RGS7: variants seen among roughly 807,000 people sequenced by gnomAD.
The protein encoded by RGS7 is regulator of G-protein signaling 7.
RGS7 carries 27 observed loss-of-function variants against 81.1 expected under a neutral mutation model. That is an observed-to-expected ratio of 0.33 (90% CI 0.25 to 0.46). The LOEUF is 0.46. Ranked by LOEUF, RGS7 falls within the 20% of genes least tolerant of loss-of-function variation. The probability of loss-of-function intolerance (pLI) is 1.00; values close to 1 mark genes in which losing one functional copy is unlikely to be tolerated. For synonymous variants in RGS7, 208 were observed against 207.7 expected, an observed-to-expected ratio of 1.00 and a Z score of -0.01; for missense variants, 396 against 607.4, an observed-to-expected ratio of 0.65 and a Z score of 3.66.
At chr1:241,084,897 T>C (rs1230723596) in intron 3 of RGS7, among the ~76,000 whole-genome samples, 1 of 152,242 alleles carries the variant, frequency 6.6e-6, no homozygotes, top group East Asian at 1.9e-4. Context: ...TGATCTGGAG[T>C]GAATACCTGC....
chr1:241,164,230 G>A lies in RGS7; in HGVS notation c.79-65468C>T, dbSNP rs2069980292. Among the ~76,000 whole-genome samples the A allele has an allele frequency of 6.6e-6, 1 of 151,398 alleles. No individual in the cohort carries two copies. Among genetic ancestry groups the A allele is most frequent in the Non-Finnish European group, 1.5e-5 (1 of 67,946 alleles). ...TGAATGGCTCCACCCTCCAGGAACT[G>A]CCACATGTTCAGCTATCCAGAAGCT... On this transcript the variant is annotated intron_variant, in intron 2 of 18. Transcript: ENST00000440928. This position sits in a 1 kb window ranked among gnomAD's most constrained non-coding sequence, Gnocchi z 4.1.
chr1:240,848,755 GA>G (rs1659559634), intron 9 of RGS7, among the ~76,000 whole-genome samples: 1 of 151,676 alleles, frequency 6.6e-6, no homozygotes, highest in African/African-American at 2.4e-5. Flanking sequence ...CTCAGCTTCA[GA>G]AAAAAACTCA....
rs942809644 is a variant in RGS7 at position 241,163,422 on chromosome 1, G to T, written c.79-64660C>A. Among the ~76,000 whole-genome samples, 2 of 152,204 alleles carry T rather than the reference G, an allele frequency of 1.3e-5. No homozygotes were observed. The highest frequency in any genetic ancestry group is 2.9e-5 in the Non-Finnish European group (2 of 68,038). On this transcript the variant is annotated intron_variant, in intron 2 of 18. Coordinates refer to ENST00000440928, the MANE Select transcript of RGS7 (RefSeq NM_001364886.1). This position sits in a 1 kb window ranked among gnomAD's most constrained non-coding sequence, Gnocchi z 4.6. ...AAGTAGCCATGCAAAGCTGTCTTTT[G>T]TCGGGGAGATACACATCTGCAGAGA... is the stretch of plus-strand genomic sequence containing the variant.
Position 241,246,438 on chromosome 1 carries a change from C to T in RGS7, c.78+109261G>A, listed in dbSNP as rs527969269. 1.3e-4 allele frequency among the ~76,000 whole-genome samples: 20 copies of T among 152,162 alleles called. No homozygotes were observed. In the South Asian group the frequency reaches 4.1e-3, roughly 32 times the overall value. On this transcript the variant is annotated intron_variant, in intron 2 of 18. Transcript: ENST00000440928. ...GTCCCTGCGGGTAGAAGGTAAAATTCCTTCCAAAGGAAGTAGATATTTTTA... is the reference window on the plus strand; with the variant it reads ...GTCCCTGCGGGTAGAAGGTAAAATTTCTTCCAAAGGAAGTAGATATTTTTA...
At chr1:241,267,693 C>CA (rs2077665592) in intron 2 of RGS7, among the ~76,000 whole-genome samples, 1 of 152,130 alleles carries the variant, frequency 6.6e-6, no homozygotes, top group Admixed American at 6.6e-5. Context: ...TTTTACTCTC[C>CA]AGGCAATTTC....
chr1:240,795,133 G>A (rs1267610676), intron 18 of RGS7, among the ~76,000 whole-genome samples: 1 of 151,416 alleles, frequency 6.6e-6, no homozygotes, highest in Non-Finnish European at 1.5e-5. Flanking sequence ...GCAGTGAGCC[G>A]AGATCACACC....
At chr1:241,335,899 G>A (rs1294372724) in intron 2 of RGS7, among the ~76,000 whole-genome samples, 1 of 152,026 alleles carries the variant, frequency 6.6e-6, no homozygotes, top group African/African-American at 2.4e-5. Context: ...TGGCTCTAGT[G>A]CACCACTACT....
At chr1:240,944,282 G>GTGTGTGTA (rs1352421845) in intron 4 of RGS7, among the ~76,000 whole-genome samples, 14 of 55,804 alleles carry the variant, frequency 2.5e-4, no homozygotes, top group African/African-American at 5.1e-4. Flanking sequence ...GTGTGTGTGT[G>GTGTGTGTA]TATATATATA....
intron 9 of RGS7, among the ~76,000 whole-genome samples, chr1:240,857,365 G>C (rs1661332878): frequency 6.6e-6 from 1 of 152,028 alleles, no homozygotes; most frequent in South Asian, 2.1e-4. Context: ...TGTTTCAGTT[G>C]TTGAGCCAAT....
chr1:241,313,038 C>T (rs2148565830), intron 2 of RGS7, among the ~76,000 whole-genome samples: 1 of 152,294 alleles, frequency 6.6e-6, no homozygotes, highest in African/African-American at 2.4e-5. Context: ...AGAACAAGGC[C>T]CTAACTCTCT....
chr1:241,225,986 G>A (rs894667362), intron 2 of RGS7, among the ~76,000 whole-genome samples: 6 of 152,176 alleles, frequency 3.9e-5, no homozygotes, highest in African/African-American at 1.4e-4. Context: ...AACACCACTT[G>A]AAACTTGGGC....
chr1:241,055,873 C>A (rs1323524796), intron 3 of RGS7, among the ~76,000 whole-genome samples: 1 of 152,204 alleles, frequency 6.6e-6, no homozygotes, highest in Non-Finnish European at 1.5e-5. Context: ...CAAAAAGACA[C>A]TTGTCACTTT....
At chr1:241,112,513 C>T (rs918833537) in intron 2 of RGS7, among the ~76,000 whole-genome samples, 61 of 152,180 alleles carry the variant, frequency 4.0e-4, no homozygotes, top group Non-Finnish European at 1.3e-4. Flanking sequence ...CATCCTCATG[C>T]CAATGAAGAA....
intron 3 of RGS7, among the ~76,000 whole-genome samples, chr1:241,055,546 C>T (rs1416401649): frequency 6.6e-6 from 1 of 152,142 alleles, no homozygotes; most frequent in East Asian, 1.9e-4. Context: ...AAGGATATTA[C>T]AAAGGATACA....
intron 4 of RGS7, among the ~76,000 whole-genome samples, chr1:240,953,304 C>T (rs1020672115): frequency 4.0e-5 from 6 of 151,780 alleles, no homozygotes; most frequent in Admixed American, 6.6e-5. Context: ...TATTCTAAAG[C>T]ATACATGAAA....
intron 2 of RGS7, among the ~76,000 whole-genome samples, chr1:241,234,415 A>G (rs1262201294): frequency 6.6e-6 from 1 of 152,226 alleles, no homozygotes; most frequent in Non-Finnish European, 1.5e-5. Context: ...AGAGAAGCTC[A>G]TCGGGCAGCT....
chr1:241,298,053 T>G (rs2079529024), intron 2 of RGS7, among the ~76,000 whole-genome samples: 1 of 152,074 alleles, frequency 6.6e-6, no homozygotes, highest in African/African-American at 2.4e-5. Flanking sequence ...ACCACCAAAA[T>G]CATTTATTAA....
chr1:241,103,850 C>T (rs1006058), intron 2 of RGS7, among the ~76,000 whole-genome samples: 3 of 151,974 alleles, frequency 2.0e-5, no homozygotes, highest in East Asian at 1.9e-4. Flanking sequence ...CTCCAGCTTG[C>T]GCTACAGAAT....
chr1:241,268,925 G>A (rs1346039485), intron 2 of RGS7, among the ~76,000 whole-genome samples: 1 of 152,176 alleles, frequency 6.6e-6, no homozygotes, highest in Non-Finnish European at 1.5e-5. Flanking sequence ...ACTTGTGGAA[G>A]GGGGCAGAGA....
Sources: gnomAD v4.1 joint callset for allele counts (sites outside exome capture counted in the v4.1 genomes callset) on GRCh38, gnomAD v4.1.1 for gene constraint, Gnocchi (gnomAD v3.1) non-coding constraint, MANE v1.5 for transcripts, NCBI Gene and HGNC (gene_info 2026-07-23, HGNC 2026-07-21) for gene names.